SDK1: variants seen among roughly 807,000 people sequenced by gnomAD.
SDK1 encodes sidekick cell adhesion molecule 1, also known as protein sidekick-1.
In SDK1, 157 loss-of-function variants were observed where a neutral mutation model predicts 245.5. The observed-to-expected ratio is 0.64, with a 90% confidence interval of 0.56 to 0.73. The LOEUF is 0.73. Among genes scored for constraint, SDK1 ranks in the 30% least tolerant of loss-of-function variants. The pLI is 0.00. For missense variants in SDK1, 3,583 were observed against 3,002.3 expected (o/e 1.19, Z -4.52); for synonymous variants, 1,647 against 1,278.5 (o/e 1.29, Z -6.15).
chr7:3,393,684 C>G (rs1308720939), intron 1 of SDK1, among the ~76,000 whole-genome samples: 2 of 152,250 alleles, frequency 1.3e-5, no homozygotes, highest in East Asian at 3.9e-4. Context: ...TCCAGAATTT[C>G]TGCTTGATTC....
chr7:3,372,662 A>C (rs1322960446), intron 1 of SDK1, among the ~76,000 whole-genome samples: 1 of 152,140 alleles, frequency 6.6e-6, no homozygotes, highest in African/African-American at 2.4e-5. Context: ...TGAGATGGTC[A>C]GTTTCTCTGT....
intron 9 of SDK1, among the ~76,000 whole-genome samples, chr7:3,966,395 G>C (rs1004694660): frequency 6.6e-6 from 1 of 152,228 alleles, no homozygotes; most frequent in Admixed American, 6.5e-5. Flanking sequence ...ACTGTTGTAC[G>C]GGGGGTTCCG....
intron 41 of SDK1, among the ~76,000 whole-genome samples, chr7:4,237,106 G>A (rs1007277994): frequency 8.6e-5 from 13 of 151,992 alleles, no homozygotes; most frequent in African/African-American, 2.9e-4. Flanking sequence ...TGCCCAGGCT[G>A]GTCTTGAACT....
chr7:4,051,150 A>AT, intron 18 of SDK1, among the ~76,000 whole-genome samples: 2 of 139,908 alleles, frequency 1.4e-5, no homozygotes, highest in African/African-American at 2.6e-5. Context: ...TATGTATAAT[A>AT]TATACATATA....
At chr7:3,944,251 AAG>A (rs767634787) in intron 5 of SDK1, among the ~76,000 whole-genome samples, 100 of 152,316 alleles carry the variant, frequency 6.6e-4, no homozygotes, top group Admixed American at 9.8e-4. Context: ...TCATCTGTAA[AAG>A]AGGGATAACA....
chr7:4,227,643 A>C (rs1392729812), intron 40 of SDK1, among the ~76,000 whole-genome samples: 1 of 152,236 alleles, frequency 6.6e-6, no homozygotes, highest in Non-Finnish European at 1.5e-5. Flanking sequence ...GCAGTGAATG[A>C]CGGTTTCATT....
chr7:4,058,008 A>G (rs78564950), intron 19 of SDK1, among the ~76,000 whole-genome samples: 2,678 of 152,340 alleles, frequency 0.018, 79 homozygotes, highest in African/African-American at 0.061. Flanking sequence ...AATGCAAGGA[A>G]GTATAACACT....
intron 1 of SDK1, among the ~76,000 whole-genome samples, chr7:3,452,941 G>A (rs1780560425): frequency 6.6e-6 from 1 of 152,074 alleles, no homozygotes; most frequent in African/African-American, 2.4e-5. Context: ...GTTAAAATCA[G>A]TTACCCTATT....
rs1323583245 is a variant in SDK1 at position 3,967,313 on chromosome 7, C to T, written c.1430-5C>T. ...CCTGATCATTTCATTTACTCCTCTTCTCAGATATCGCTCCAGTGTTCACCC... is the reference window on the plus strand; with the variant it reads ...CCTGATCATTTCATTTACTCCTCTTTTCAGATATCGCTCCAGTGTTCACCC... On this transcript the variant is annotated splice_polypyrimidine_tract_variant and splice_region_variant and intron_variant, in intron 9 of 44. Transcript: ENST00000404826. The T allele has an allele frequency of 6.2e-7, 1 of 1,608,696 alleles. No individual in the cohort carries two copies. The highest frequency in any genetic ancestry group is 1.3e-5 in the African/African-American group (1 of 74,810).
intron 4 of SDK1, among the ~76,000 whole-genome samples, chr7:3,651,958 A>G (rs1783026544): frequency 6.6e-6 from 1 of 152,156 alleles, no homozygotes; most frequent in Admixed American, 6.5e-5. Context: ...GACAAGCCTG[A>G]GAATTTATAT....
chr7:3,852,750 C>T (rs75767179), intron 5 of SDK1, among the ~76,000 whole-genome samples: 657 of 28,160 alleles, frequency 0.023, 17 homozygotes, highest in South Asian at 0.031. Context: ...GACTCCGTCT[C>T]AAAAAAAAAA....
intron 30 of SDK1, among the ~76,000 whole-genome samples, chr7:4,150,613 G>A (rs139626951): frequency 2.8e-4 from 42 of 152,314 alleles, no homozygotes; most frequent in South Asian, 2.3e-3. Flanking sequence ...GAGGCTGCCC[G>A]TCTCAGCCCT....
intron 40 of SDK1, chr7:4,227,440 T>A (rs597636): frequency 0.56 from 265,099 of 470,388 alleles, 76,681 homozygotes; most frequent in African/African-American, 0.63. Context: ...GTCTTTTTTT[T>A]AAATCAGATG....
intron 4 of SDK1, among the ~76,000 whole-genome samples, chr7:3,769,768 C>A (rs1218725013): frequency 6.6e-6 from 1 of 151,988 alleles, no homozygotes; most frequent in Non-Finnish European, 1.5e-5. Context: ...CCAGGCCTGG[C>A]TTACTTTCTG....
chr7:4,216,729 C>T (rs1784818454), intron 38 of SDK1, among the ~76,000 whole-genome samples: 1 of 152,166 alleles, frequency 6.6e-6, no homozygotes, highest in Admixed American at 6.5e-5. Context: ...ACCTCCTCAC[C>T]CAGAACCAGG....
At chr7:3,773,570 T>G (rs1459181802) in intron 4 of SDK1, among the ~76,000 whole-genome samples, 6 of 152,214 alleles carry the variant, frequency 3.9e-5, no homozygotes, top group Non-Finnish European at 8.8e-5. Flanking sequence ...TTTTTTTTCT[T>G]TAAATGAGTG....
At chr7:4,149,057 A>T (rs1033344080) in intron 29 of SDK1, among the ~76,000 whole-genome samples, 2 of 151,192 alleles carry the variant, frequency 1.3e-5, no homozygotes, top group African/African-American at 4.9e-5. Context: ...TCTGTCTCAA[A>T]AACAAAACAA....
At chr7:3,844,508 T>A (rs919880334) in intron 5 of SDK1, among the ~76,000 whole-genome samples, 2 of 152,188 alleles carry the variant, frequency 1.3e-5, no homozygotes, top group African/African-American at 4.8e-5. Flanking sequence ...ACTGTCGAGC[T>A]GGGCACCCAC....
chr7:3,666,933 CTAAACTCA>C (rs969910698), intron 4 of SDK1, among the ~76,000 whole-genome samples: 7 of 152,106 alleles, frequency 4.6e-5, no homozygotes, highest in Non-Finnish European at 8.8e-5. Context: ...TCACACTTTT[CTAAACTCA>C]GAATTGAAGT....
Sources: gnomAD v4.1 joint callset for allele counts (sites outside exome capture counted in the v4.1 genomes callset) on GRCh38, gnomAD v4.1.1 for gene constraint, MANE v1.5 for transcripts, NCBI Gene and HGNC (gene_info 2026-07-23, HGNC 2026-07-21) for gene names.